Variants in FAM219A observed in about 807,000 individuals in gnomAD.
FAM219A encodes protein FAM219A.
Under a neutral mutation model 23.4 loss-of-function variants are expected in FAM219A, and 7 were observed. The observed-to-expected ratio is 0.30, with a 90% CI of 0.17 to 0.56. FAM219A has a LOEUF of 0.56. Among genes scored for constraint, FAM219A ranks in the 20% least tolerant of loss-of-function variants. The probability of loss-of-function intolerance (pLI) is 0.92; values close to 1 mark genes in which losing one functional copy is unlikely to be tolerated. For synonymous variants in FAM219A, 93 were observed against 99.0 expected, an observed-to-expected ratio of 0.94 and a Z score of 0.36; for missense variants, 166 against 246.9, an observed-to-expected ratio of 0.67 and a Z score of 2.20.
Position 34,458,318 on chromosome 9 carries a change from AC to A in FAM219A, c.-56del. ...GGGCGCGGCCGCGGACGCCGACAGG[AC>A]CGCGCGGGGCGGCGGCCCCAGGAGC... is the stretch of plus-strand genomic sequence containing the variant. On this transcript the variant is annotated 5_prime_UTR_variant, in exon 1 of 6. Transcript: ENST00000651358. This position sits in a 1 kb window ranked among gnomAD's most constrained non-coding sequence, Gnocchi z 6.6. 2 of 1,221,134 alleles carry A rather than the reference AC, an allele frequency of 1.6e-6. No homozygotes were observed. Among genetic ancestry groups the A allele is most frequent in the Non-Finnish European group, 2.0e-6 (2 of 979,028 alleles). The allele number at this position is 1,221,134 out of a possible 1,614,324, so 75.6% of individuals were successfully genotyped here.
At chr9:34,424,003 C>T (rs563384162) in intron 1 of FAM219A, among the ~76,000 whole-genome samples, 1 of 151,738 alleles carries the variant, frequency 6.6e-6, no homozygotes, top group African/African-American at 2.4e-5. Flanking sequence ...ATAAGAAGGG[C>T]TTAGAGAAAA....
chr9:34,426,935 T>C lies in FAM219A; in HGVS notation c.61-20971A>G, dbSNP rs184757712. Among the ~76,000 whole-genome samples, 331 of 151,414 alleles carry C rather than the reference T, an allele frequency of 2.2e-3. 2 individuals are homozygous for C. Among genetic ancestry groups the C allele is most frequent in the African/African-American group, 7.2e-3 (299 of 41,316 alleles). On this transcript the variant is annotated intron_variant, in intron 1 of 5. Coordinates refer to ENST00000651358, the MANE Select transcript of FAM219A (RefSeq NM_001184940.2). ...TAGGAAGATGGAACAGCAGTTTGGG[T>C]GGTCTCAACCAGCACTTTTTTTTTT...
rs373492913 is a variant in FAM219A, at chr9:34,402,484, G to T, written c.264-17C>A. ...ACGACCAGCCTAGGTGAAGAATTTC[G>T]GGAGTTAGAGTGGCAAAGTGGAGCA... is the stretch of plus-strand genomic sequence containing the variant. On this transcript the variant is annotated splice_polypyrimidine_tract_variant and intron_variant, in intron 3 of 5. Coordinates refer to ENST00000651358, the MANE Select transcript of FAM219A (RefSeq NM_001184940.2). The T allele has an allele frequency of 3.8e-5, 61 of 1,613,896 alleles. No homozygotes were observed. Among genetic ancestry groups the T allele is most frequent in the Non-Finnish European group, 5.0e-5 (59 of 1,179,968 alleles).
intron 1 of FAM219A, among the ~76,000 whole-genome samples, chr9:34,413,452 T>G (rs1821896593): frequency 6.6e-6 from 1 of 152,152 alleles, no homozygotes; most frequent in Non-Finnish European, 1.5e-5. Flanking sequence ...ATCTTGCCAT[T>G]GTCTTGTGGC....
At position 34,401,021 on chromosome 9, in the gene FAM219A, C is replaced by T. The variant is rs1032003881; in HGVS notation, c.501G>A (p.Val167=). 18 of 1,598,726 alleles carry T rather than the reference C, an allele frequency of 1.1e-5. No individual in the cohort carries two copies. The highest frequency in any genetic ancestry group is 2.7e-5 in the African/African-American group (2 of 74,274). ...EDLDLIPPKS[V]NPTCMCCQAT... Reference sequence around the variant, plus strand: ...CCTGGCAGCACATGCACGTGGGGTTCACGGACTTGGGGGGGATGAGGTCTA... The same window carrying T: ...CCTGGCAGCACATGCACGTGGGGTTTACGGACTTGGGGGGGATGAGGTCTA... Residue 167 remains valine (V), a synonymous_variant, in exon 6 of 6, where the codon GTG becomes GTA. Coordinates refer to ENST00000651358, the MANE Select transcript of FAM219A (RefSeq NM_001184940.2).
intron 1 of FAM219A, among the ~76,000 whole-genome samples, chr9:34,437,778 C>G (rs555900034): frequency 1.4e-4 from 21 of 152,374 alleles, no homozygotes; most frequent in Non-Finnish European, 2.4e-4. Context: ...CCTCACAGCC[C>G]TCGGTCGCTC....
chr9:34,408,094 C>T (rs1230890941), intron 1 of FAM219A, among the ~76,000 whole-genome samples: 1 of 152,228 alleles, frequency 6.6e-6, no homozygotes. Context: ...GTGCCTCCCT[C>T]TCCTGCTTTG....
chr9:34,457,336 A>G lies in FAM219A; in HGVS notation c.60+868T>C, dbSNP rs1383419468. On this transcript the variant is annotated intron_variant, in intron 1 of 5. Coordinates refer to ENST00000651358, the MANE Select transcript of FAM219A (RefSeq NM_001184940.2). The surrounding 1 kb of genome is among the most constrained non-coding windows in gnomAD (Gnocchi z 5.1). ...AGCAAGCATGGTCTCCCTTAGGCCTAGCCTCGGTGCACCCGAGTTGCCCTC... is the reference window on the plus strand; with the variant it reads ...AGCAAGCATGGTCTCCCTTAGGCCTGGCCTCGGTGCACCCGAGTTGCCCTC... 2 of 152,480 alleles carry G rather than the reference A, an allele frequency of 1.3e-5. No individual in the cohort carries two copies. 9.4% of individuals were successfully genotyped at this position (152,480 alleles called of 1,614,324 possible). A position where few individuals can be genotyped will look rare whatever the true frequency, so the allele number is the denominator to read the frequency against.
chr9:34,438,898 C>T (rs777498889), intron 1 of FAM219A, among the ~76,000 whole-genome samples: 5 of 152,242 alleles, frequency 3.3e-5, no homozygotes, highest in Admixed American at 6.5e-5. Context: ...TTCTTTTGCT[C>T]TTTGCAATAA....
intron 2 of FAM219A, among the ~76,000 whole-genome samples, chr9:34,403,048 TC>T (rs1370844446): frequency 1.3e-5 from 2 of 152,016 alleles, no homozygotes; most frequent in Non-Finnish European, 2.9e-5. Context: ...GAACCACAAC[TC>T]CCATGTTAGG....
rs770336544 is a variant in FAM219A at position 34,421,044 on chromosome 9, G to GAGAGAGAGAGAGAGAGAGAGAC, written c.61-15081_61-15080insGTCTCTCTCTCTCTCTCTCTCT. Among the ~76,000 whole-genome samples, 37 of 146,956 alleles carry GAGAGAGAGAGAGAGAGAGAGAC rather than the reference G, an allele frequency of 2.5e-4. 1 individual carries two copies. Among genetic ancestry groups the GAGAGAGAGAGAGAGAGAGAGAC allele is most frequent in the African/African-American group, 8.9e-4 (35 of 39,126 alleles). ...AGAGAGAGAGAGAGAGAGAGAGAGA[G>GAGAGAGAGAGAGAGAGAGAGAC]AATGGCTCTGCTGAAACAAATTTTG... On this transcript the variant is annotated intron_variant, in intron 1 of 5. Transcript: ENST00000651358.
chr9:34,424,322 C>G (rs565263564), intron 1 of FAM219A, among the ~76,000 whole-genome samples: 113 of 152,074 alleles, frequency 7.4e-4, no homozygotes, highest in Non-Finnish European at 1.3e-3. Flanking sequence ...TTATTTTGTT[C>G]TAAGAAATTA....
intron 1 of FAM219A, among the ~76,000 whole-genome samples, chr9:34,421,187 T>C (rs1822269677): frequency 6.6e-6 from 1 of 151,544 alleles, no homozygotes; most frequent in Non-Finnish European, 1.5e-5. Context: ...GTCAAGCAGG[T>C]CAGAGAGGGG....
At chr9:34,456,648 C>G (rs1231775918) in intron 1 of FAM219A, among the ~76,000 whole-genome samples, 1 of 152,228 alleles carries the variant, frequency 6.6e-6, no homozygotes. Context: ...TTATCTTCAG[C>G]CAGCCCAAAG....
intron 1 of FAM219A, among the ~76,000 whole-genome samples, chr9:34,448,676 C>T (rs1269673040): frequency 6.6e-6 from 1 of 152,174 alleles, no homozygotes; most frequent in African/African-American, 2.4e-5. Context: ...TGGGATTCTT[C>T]CTGATAAAAG....
At chr9:34,431,702 C>T (rs1822710832) in intron 1 of FAM219A, among the ~76,000 whole-genome samples, 1 of 152,020 alleles carries the variant, frequency 6.6e-6, no homozygotes, top group Admixed American at 6.6e-5. Flanking sequence ...TATTGAGACC[C>T]CCTCTCTAAG....
At position 34,417,311 on chromosome 9, in the gene FAM219A, T is replaced by C. The variant is rs2131955648; in HGVS notation, c.61-11347A>G. Among the ~76,000 whole-genome samples, 1 of 152,328 alleles carries C rather than the reference T, an allele frequency of 6.6e-6. No individual in the cohort carries two copies. Among genetic ancestry groups the C allele is most frequent in the African/African-American group, 2.4e-5 (1 of 41,570 alleles). ...ATCCTCCTGCCTCGGCCTCCCAAAG[T>C]GCTGGGATTACAGGTGTGAGCCACC... is the stretch of plus-strand genomic sequence containing the variant. On this transcript the variant is annotated intron_variant, in intron 1 of 5. Coordinates refer to ENST00000651358, the MANE Select transcript of FAM219A (RefSeq NM_001184940.2). This position sits in a 1 kb window ranked among gnomAD's most constrained non-coding sequence, Gnocchi z 4.1.
At chr9:34,413,458 G>A (rs962292396) in intron 1 of FAM219A, among the ~76,000 whole-genome samples, 4 of 152,158 alleles carry the variant, frequency 2.6e-5, no homozygotes, top group Admixed American at 6.5e-5. Flanking sequence ...CCATTGTCTT[G>A]TGGCCTGAAC....
At chr9:34,414,049 A>G (rs1051383863) in intron 1 of FAM219A, among the ~76,000 whole-genome samples, 1 of 152,220 alleles carries the variant, frequency 6.6e-6, no homozygotes, top group African/African-American at 2.4e-5. Context: ...CAACTTTTAG[A>G]GGGAGACCCA....
Sources: allele counts gnomAD v4.1 joint callset (sites outside exome capture counted in the v4.1 genomes callset), GRCh38; gene constraint gnomAD v4.1.1; non-coding constraint Gnocchi (gnomAD v3.1); transcripts MANE v1.5; gene names NCBI Gene and HGNC (gene_info 2026-07-23, HGNC 2026-07-21).